The following ADARB2 variants were observed in gnomAD, a reference collection of about 807,000 sequenced individuals.
The protein encoded by ADARB2 is adenosine deaminase RNA specific B2 (inactive), also known as inactive double-stranded RNA-specific editase B2.
In ADARB2, 25 loss-of-function variants were observed where a neutral mutation model predicts 62.2. The ratio of observed to expected loss-of-function variants is 0.40; its 90% CI spans 0.29 to 0.56. The LOEUF is 0.56. ADARB2 is among the 20% of genes least tolerant of loss of function. The probability of loss-of-function intolerance (pLI) is 0.43; values close to 1 mark genes in which losing one functional copy is unlikely to be tolerated. For synonymous variants in ADARB2, 572 were observed against 500.8 expected (o/e 1.14, Z -1.90); for missense variants, 1,071 against 1,077.4 (o/e 0.99, Z 0.08).
intron 1 of ADARB2, among the ~76,000 whole-genome samples, chr10:1,389,529 A>G (rs1832551026): frequency 1.3e-5 from 2 of 152,102 alleles, no homozygotes; most frequent in African/African-American, 4.8e-5. Context: ...AATAGCCAAT[A>G]AGCACTTCCA....
At chr10:1,199,887 G>A in intron 8 of ADARB2, 79 bp downstream of exon 8, 1 of 1,381,658 alleles carries the variant, frequency 7.2e-7, no homozygotes, top group Non-Finnish European at 9.5e-7. Context: ...AGTCTGCGAG[G>A]GATGGCACCG....
chr10:1,470,140 G>A (rs889030601), intron 1 of ADARB2, among the ~76,000 whole-genome samples: 1 of 152,160 alleles, frequency 6.6e-6, no homozygotes, highest in African/African-American at 2.4e-5. Context: ...CGTCCATCCC[G>A]TCTCACACCT....
intron 1 of ADARB2, among the ~76,000 whole-genome samples, chr10:1,613,317 T>C (rs1320219080): frequency 3.9e-5 from 6 of 152,104 alleles, no homozygotes; most frequent in Admixed American, 1.3e-4. Context: ...CATGAAAAGA[T>C]TTTTTTTAAG....
intron 1 of ADARB2, among the ~76,000 whole-genome samples, chr10:1,708,108 T>C (rs780916176): frequency 6.6e-6 from 1 of 152,236 alleles, no homozygotes; most frequent in Non-Finnish European, 1.5e-5. Flanking sequence ...CGCAGCTCTG[T>C]CTGGGGCTCT....
intron 1 of ADARB2, among the ~76,000 whole-genome samples, chr10:1,638,688 T>C (rs1416775473): frequency 6.6e-6 from 1 of 152,168 alleles, no homozygotes; most frequent in Non-Finnish European, 1.5e-5. Flanking sequence ...TAGAATGAGA[T>C]TTAGGATTAA....
At chr10:1,658,995 T>G (rs1161877205) in intron 1 of ADARB2, among the ~76,000 whole-genome samples, 1 of 152,228 alleles carries the variant, frequency 6.6e-6, no homozygotes, top group East Asian at 1.9e-4. Flanking sequence ...TCACTCAAGT[T>G]GTGGTTAACA....
chr10:1,396,483 G>A (rs546835106), intron 1 of ADARB2, among the ~76,000 whole-genome samples: 1 of 152,148 alleles, frequency 6.6e-6, no homozygotes, highest in Non-Finnish European at 1.5e-5. Flanking sequence ...TCCCAGGATC[G>A]AAGAATCCGG....
intron 3 of ADARB2, among the ~76,000 whole-genome samples, chr10:1,317,531 T>C (rs1007075057): frequency 6.7e-6 from 1 of 149,870 alleles, no homozygotes; most frequent in Non-Finnish European, 1.5e-5. Context: ...TGGGAGAGTC[T>C]TATATAAACA....
chr10:1,729,080 C>CT (rs1324841465), intron 1 of ADARB2, among the ~76,000 whole-genome samples: 3 of 152,170 alleles, frequency 2.0e-5, no homozygotes, highest in Admixed American at 6.5e-5. Flanking sequence ...ATTGAAAACT[C>CT]TGTTAGAATT....
In ADARB2 at chr10:1,233,731, G is replaced by A. The variant is rs563819822; in HGVS notation, c.1476C>T (p.Asp492=). ...TCTCGTAGGGAGAGTGGAGTCTTGC[G>A]TCTCCACAGGGGGAGGTGCTCACGT... ...HLYVSTSPCG[D]ARLHSPYEIT... The change falls in exon 6 of 10, where the codon GAC becomes GAT. Residue 492 remains aspartate, a synonymous_variant. Coordinates refer to ENST00000381312, the MANE Select transcript of ADARB2 (RefSeq NM_018702.4). The A allele has an allele frequency of 1.5e-5, 25 of 1,613,482 alleles. No individual in the cohort carries two copies. Among genetic ancestry groups the A allele is most frequent in the East Asian group, 6.7e-5 (3 of 44,840 alleles).
At chr10:1,321,691 T>C (rs549401851) in intron 3 of ADARB2, among the ~76,000 whole-genome samples, 1 of 152,334 alleles carries the variant, frequency 6.6e-6, no homozygotes, top group African/African-American at 2.4e-5. Context: ...CTGATGCTAC[T>C]ATTTTAATAT....
intron 1 of ADARB2, among the ~76,000 whole-genome samples, chr10:1,591,145 G>C (rs1316674235): frequency 6.6e-6 from 1 of 152,194 alleles, no homozygotes; most frequent in Non-Finnish European, 1.5e-5. Context: ...GCCTGGGCTG[G>C]GGCCTCACCG....
In ADARB2 at chr10:1,179,765, C is replaced by T. The variant is rs1202161738; in HGVS notation, c.*3428G>A. ...CTGAAGCAAGGGTATGAATACAGACCACAGAAAATCTGAAGCAAGGGGCTT... is the reference window on the plus strand; with the variant it reads ...CTGAAGCAAGGGTATGAATACAGACTACAGAAAATCTGAAGCAAGGGGCTT... On this transcript the variant is annotated 3_prime_UTR_variant, in exon 10 of 10. Transcript: ENST00000381312. The T allele has an allele frequency of 1.3e-5, 2 of 152,206 alleles. No homozygotes were observed. Among genetic ancestry groups the T allele is most frequent in the Non-Finnish European group, 2.9e-5 (2 of 68,046 alleles). The allele number at this position is 152,206 out of a possible 1,614,324, so 9.4% of individuals were successfully genotyped here. A position where few individuals can be genotyped will look rare whatever the true frequency, so the allele number is the denominator to read the frequency against.
intron 5 of ADARB2, among the ~76,000 whole-genome samples, chr10:1,241,091 T>C (rs896182119): frequency 2.6e-5 from 4 of 152,180 alleles, no homozygotes; most frequent in African/African-American, 9.7e-5. Context: ...AAACCCCGTC[T>C]CTACTAAAAA....
At chr10:1,412,180 A>G (rs1832765053) in intron 1 of ADARB2, among the ~76,000 whole-genome samples, 1 of 152,066 alleles carries the variant, frequency 6.6e-6, no homozygotes, top group Admixed American at 6.5e-5. Flanking sequence ...ACGATGCTGG[A>G]CGGGTTCGGA....
At chr10:1,581,704 A>T (rs569236284) in intron 1 of ADARB2, among the ~76,000 whole-genome samples, 22 of 152,324 alleles carry the variant, frequency 1.4e-4, no homozygotes, top group African/African-American at 5.3e-4. Context: ...ATAGACAGAG[A>T]ATGTATACAC....
chr10:1,378,890 T>G (rs1210450708), intron 2 of ADARB2, among the ~76,000 whole-genome samples, 184 bp downstream of exon 2: 1 of 151,904 alleles, frequency 6.6e-6, no homozygotes, highest in Non-Finnish European at 1.5e-5. Context: ...ATTGCAGGTG[T>G]GGGTGGGGTT....
At chr10:1,541,070 C>A (rs1399473562) in intron 1 of ADARB2, among the ~76,000 whole-genome samples, 2 of 78,250 alleles carry the variant, frequency 2.6e-5, no homozygotes, top group South Asian at 9.3e-4. Flanking sequence ...CGCCCAGACC[C>A]CACTCAGATG....
intron 1 of ADARB2, among the ~76,000 whole-genome samples, chr10:1,451,335 G>A (rs984538196): frequency 1.3e-5 from 2 of 152,218 alleles, no homozygotes; most frequent in African/African-American, 4.8e-5. Context: ...AGCAAACAGT[G>A]GAGTGTGCAC....
Sources: allele counts gnomAD v4.1 joint callset (sites outside exome capture counted in the v4.1 genomes callset), GRCh38; gene constraint gnomAD v4.1.1; transcripts MANE v1.5; gene names NCBI Gene and HGNC (gene_info 2026-07-23, HGNC 2026-07-21).